The following HABP2 variants were observed in gnomAD, a reference collection of about 807,000 sequenced individuals.
HABP2 encodes the protein factor VII-activating protease.
HABP2 carries 65 observed loss-of-function variants against 66.5 expected under a neutral mutation model. The observed-to-expected ratio is 0.98, with a 90% confidence interval of 0.80 to 1.20. The LOEUF is 1.20. Among genes scored for constraint, HABP2 ranks in the 50% most tolerant of loss-of-function variants. The pLI is 0.00. For missense variants in HABP2, 786 were observed against 691.0 expected, an observed-to-expected ratio of 1.14 and a Z score of -1.54; for synonymous variants, 263 against 253.9, an observed-to-expected ratio of 1.04 and a Z score of -0.34.
intron 1 of HABP2, among the ~76,000 whole-genome samples, chr10:113,564,632 C>T (rs1845164140): frequency 6.6e-6 from 1 of 152,174 alleles, no homozygotes; most frequent in Admixed American, 6.5e-5. Flanking sequence ...CCTTTCCCCT[C>T]ACCAACATGT....
At position 113,584,156 on chromosome 10, in the gene HABP2, A is replaced by G; in HGVS notation, c.1246A>G (p.Lys416Glu). The G allele has an allele frequency of 6.2e-7, 1 of 1,613,880 alleles. No individual in the cohort carries two copies. Among genetic ancestry groups the G allele is most frequent in the East Asian group, 2.2e-5 (1 of 44,880 alleles). ...CCTCTCTCTCCACCTAGCATTGCTC[A>G]AGTTAAAGCCAGTGGATGGTCACTG... ...EIPHNDIALL[K>E]LKPVDGHCAL... The change falls in exon 11 of 13, where the codon AAG becomes GAG. Residue 416 changes from lysine (K) to glutamate (E), a missense_variant. Lys to Glu is a moderately conservative substitution (Grantham distance 56). Coordinates refer to ENST00000351270, the MANE Select transcript of HABP2 (RefSeq NM_004132.5).
intron 2 of HABP2, among the ~76,000 whole-genome samples, chr10:113,571,264 G>A (rs1407691584): frequency 6.6e-6 from 1 of 152,154 alleles, no homozygotes; most frequent in Non-Finnish European, 1.5e-5. Flanking sequence ...AGATTGGCTG[G>A]CCTCTTATCT....
intron 1 of HABP2, among the ~76,000 whole-genome samples, chr10:113,564,855 G>T (rs4359140): frequency 0.59 from 89,311 of 150,400 alleles, 27,144 homozygotes; most frequent in Admixed American, 0.71. Flanking sequence ...TCTCTCTTTT[G>T]TTTTTTTCTT....
Position 113,559,554 on chromosome 10 carries a change from G to A in HABP2, c.69+6364G>A, listed in dbSNP as rs187586181. 2.5e-4 allele frequency among the ~76,000 whole-genome samples: 38 copies of A among 152,352 alleles called. 1 individual carries two copies. The East Asian group carries it at 7.3e-3, about 29-fold the overall frequency. On this transcript the variant is annotated intron_variant, in intron 1 of 12. Transcript: ENST00000351270. ...TATAACCAAAGCGTGGCCAAGGGCA[G>A]AGTCGCCTGGGCACTGGAGGAAGAT...
At chr10:113,564,988 A>C (rs2133752849) in intron 1 of HABP2, among the ~76,000 whole-genome samples, 1 of 151,244 alleles carries the variant, frequency 6.6e-6, no homozygotes, top group Non-Finnish European at 1.5e-5. Context: ...CTAGGACTAC[A>C]GGCCCCCGCT....
At chr10:113,583,110 G>A (rs1845570794) in intron 9 of HABP2, 106 bp from the exon 10 acceptor site, 19 of 888,816 alleles carry the variant, frequency 2.1e-5, no homozygotes, top group Middle Eastern at 5.3e-4. Context: ...TGAGTGAGAC[G>A]AGGGTTACAA....
intron 1 of HABP2, among the ~76,000 whole-genome samples, chr10:113,556,793 A>T (rs1592680518): frequency 7.4e-6 from 1 of 134,518 alleles, no homozygotes. Context: ...TCTTTCTTTG[A>T]TTCTTTTATT....
Position 113,577,138 on chromosome 10 carries a change from G to A in HABP2, c.332-12G>A. 2.1e-6 allele frequency: 3 copies of A among 1,442,278 alleles called. No homozygotes were observed. The highest frequency in any genetic ancestry group is 2.9e-6 in the Non-Finnish European group (3 of 1,023,580). 89.3% of individuals were successfully genotyped at this position (1,442,278 alleles called of 1,614,324 possible). A position where few individuals can be genotyped will look rare whatever the true frequency, so the allele number is the denominator to read the frequency against. On this transcript the variant is annotated splice_polypyrimidine_tract_variant and intron_variant, in intron 4 of 12. Coordinates refer to ENST00000351270, the MANE Select transcript of HABP2 (RefSeq NM_004132.5). ...GCCCCAAATAATGTCTTATGTTATG[G>A]ATCTCCTACAGTGCAAAATACGTGC... is the stretch of plus-strand genomic sequence containing the variant.
At chr10:113,568,525 A>G (rs945613380) in intron 2 of HABP2, among the ~76,000 whole-genome samples, 6 of 152,108 alleles carry the variant, frequency 3.9e-5, no homozygotes, top group Admixed American at 2.6e-4. Context: ...GTTGAAGAGA[A>G]ATATATATTG....
intron 1 of HABP2, among the ~76,000 whole-genome samples, chr10:113,556,448 C>G (rs991980755): frequency 6.6e-6 from 1 of 152,152 alleles, no homozygotes; most frequent in African/African-American, 2.4e-5. Flanking sequence ...GGCATGGTAG[C>G]TCATGCCTGT....
At position 113,585,918 on chromosome 10, in the gene HABP2, C is replaced by G. The variant is rs779705913; in HGVS notation, c.1498C>G (p.Pro500Ala). The G allele has an allele frequency of 6.2e-7, 1 of 1,614,040 alleles. No individual in the cohort carries two copies. The highest frequency in any genetic ancestry group is 1.7e-5 in the Admixed American group (1 of 60,030). ...SMICAGNLQK[P>A]GQDTCQGDSG... The stretch of plus-strand genomic sequence containing the variant: ...GATCTGTGCAGGAAATCTTCAGAAA[C>G]CTGGGCAAGACACCTGCCAGGTCAG... Residue 500 changes from proline (P) to alanine (A), a missense_variant, in exon 12 of 13, where the codon CCT (proline) becomes GCT (alanine). By Grantham distance (27) the Pro-to-Ala change is conservative. Coordinates refer to ENST00000351270, the MANE Select transcript of HABP2 (RefSeq NM_004132.5).
intron 7 of HABP2, among the ~76,000 whole-genome samples, chr10:113,579,495 A>G (rs993555604): frequency 3.3e-5 from 5 of 152,244 alleles, no homozygotes; most frequent in African/African-American, 1.2e-4. Context: ...ACTTCTAGGC[A>G]GAGATGGAGA....
At chr10:113,588,123 C>G in intron 12 of HABP2, 82 bp from the exon 13 acceptor site, 6 of 1,227,158 alleles carry the variant, frequency 4.9e-6, no homozygotes, top group Non-Finnish European at 6.8e-6. Context: ...CCATCCCTCC[C>G]TGACACCCCC....
At position 113,588,518 on chromosome 10, in the gene HABP2, G is replaced by C. The variant is rs956067019; in HGVS notation, c.*149G>C. The C allele has an allele frequency of 1.5e-5, 9 of 592,394 alleles. No homozygotes were observed. Among genetic ancestry groups the C allele is most frequent in the Non-Finnish European group, 2.6e-5 (9 of 344,296 alleles). The allele number at this position is 592,394 out of a possible 1,614,324, so 36.7% of individuals were successfully genotyped here. A position where few individuals can be genotyped will look rare whatever the true frequency, so the allele number is the denominator to read the frequency against. ...AGCAGAGACAACTGCCACCCAGCCTGGGCCTTCCCAGACCAGCATTTGCAC... is the reference window on the plus strand; with the variant it reads ...AGCAGAGACAACTGCCACCCAGCCTCGGCCTTCCCAGACCAGCATTTGCAC... On this transcript the variant is annotated 3_prime_UTR_variant, in exon 13 of 13. Transcript: ENST00000351270.
rs148680289 is a variant in HABP2 at position 113,587,463 on chromosome 10, G to T, written c.1519-742G>T. Among the ~76,000 whole-genome samples the T allele has an allele frequency of 2.0e-5, 3 of 152,250 alleles. No individual in the cohort carries two copies. The East Asian group carries it at 5.8e-4, about 29-fold the overall frequency. ...TGTATGGCTTTTATCAGTGATGAAA[G>T]CAATTCTTCAATCTCAGATGCCTAA... On this transcript the variant is annotated intron_variant, in intron 12 of 12. Coordinates refer to ENST00000351270, the MANE Select transcript of HABP2 (RefSeq NM_004132.5).
chr10:113,578,884 A>C, intron 7 of HABP2, 86 bp downstream of exon 7: 1 of 927,248 alleles, frequency 1.1e-6, no homozygotes, highest in East Asian at 2.4e-5. Context: ...CCTTTCTAGG[A>C]AGATTTTCTT....
intron 6 of HABP2, 34 bp from the exon 7 acceptor site, chr10:113,578,593 G>T (rs1176780009): frequency 6.4e-7 from 1 of 1,551,568 alleles, no homozygotes; most frequent in Non-Finnish European, 8.9e-7. Flanking sequence ...GCCAATGGCT[G>T]TTGGTTCTCA....
rs751879626 is a variant in HABP2 at position 113,574,325 on chromosome 10, A to T, written c.143A>T (p.Asp48Val). The T allele has an allele frequency of 1.9e-6, 3 of 1,606,062 alleles. No homozygotes were observed. The highest frequency in any genetic ancestry group is 3.3e-5 in the Admixed American group (2 of 59,998). The change falls in exon 3 of 13, where the codon GAT becomes GTT. Residue 48 changes from aspartate (D) to valine (V), a missense_variant. Transcript: ENST00000351270. ...TPDQYDYSYE[D>V]YNQEENTSST... ...GACCAGTATGATTACAGCTACGAGGATTATAATCAGGAAGAGAACACCAGT... is the reference window on the plus strand; with the variant it reads ...GACCAGTATGATTACAGCTACGAGGTTTATAATCAGGAAGAGAACACCAGT...
chr10:113,570,192 C>T (rs541223144), intron 2 of HABP2: 1 of 152,302 alleles, frequency 6.6e-6, no homozygotes, highest in South Asian at 2.1e-4. Context: ...ATTTGGCCTT[C>T]ATTTTTCCTT....
Sources: gnomAD v4.1 joint callset for allele counts (sites outside exome capture counted in the v4.1 genomes callset) on GRCh38, gnomAD v4.1.1 for gene constraint, MANE v1.5 for transcripts, NCBI Gene and HGNC (gene_info 2026-07-23, HGNC 2026-07-21) for gene names.